RARB: variants seen among roughly 807,000 people sequenced by gnomAD.
RARB encodes the protein retinoic acid receptor beta.
RARB carries 17 observed loss-of-function variants against 51.9 expected under a neutral mutation model. The ratio of observed to expected loss-of-function variants is 0.33; its 90% confidence interval spans 0.22 to 0.49. The LOEUF (loss-of-function observed/expected upper bound fraction) is 0.49. Among genes scored for constraint, RARB ranks in the 20% least tolerant of loss-of-function variants. RARB has a pLI of 0.99. For synonymous variants in RARB, 215 were observed against 195.4 expected, an observed-to-expected ratio of 1.10 and a Z score of -0.84; for missense variants, 369 against 550.8, an observed-to-expected ratio of 0.67 and a Z score of 3.30.
intron 4 of RARB, among the ~76,000 whole-genome samples, chr3:25,137,901 G>A (rs1196811814): frequency 3.9e-5 from 6 of 152,220 alleles, no homozygotes; most frequent in African/African-American, 1.4e-4. Context: ...GAGTTTAAAA[G>A]AAGATTCTGC....
chr3:25,330,665 A>G (rs1704864318), intron 5 of RARB, among the ~76,000 whole-genome samples: 2 of 152,156 alleles, frequency 1.3e-5, no homozygotes, highest in Admixed American at 6.5e-5. Context: ...ACATAACAAT[A>G]CTAACCTTAA....
At chr3:25,149,248 A>G (rs938090756) in intron 4 of RARB, among the ~76,000 whole-genome samples, 9 of 152,202 alleles carry the variant, frequency 5.9e-5, no homozygotes. Context: ...GGTTTCTAAA[A>G]TTTGTGAAGA....
At chr3:25,289,334 C>T (rs1236882026) in intron 5 of RARB, among the ~76,000 whole-genome samples, 1 of 152,208 alleles carries the variant, frequency 6.6e-6, no homozygotes, top group Non-Finnish European at 1.5e-5. Flanking sequence ...CTCAGTGAAG[C>T]TGGCTTTATT....
At chr3:25,026,747 A>G (rs1045811787) in intron 2 of RARB, among the ~76,000 whole-genome samples, 9 of 152,294 alleles carry the variant, frequency 5.9e-5, no homozygotes, top group African/African-American at 1.9e-4. Context: ...AAAAAATACT[A>G]TTTGTAGCAT....
intron 2 of RARB, among the ~76,000 whole-genome samples, chr3:24,874,536 C>T (rs1419912227): frequency 6.6e-6 from 1 of 152,000 alleles, no homozygotes; most frequent in Non-Finnish European, 1.5e-5. Flanking sequence ...TGAAGTAACT[C>T]TCAACATGTT....
intron 1 of RARB, among the ~76,000 whole-genome samples, chr3:25,457,545 C>G (rs533032370): frequency 6.6e-6 from 1 of 152,190 alleles, no homozygotes; most frequent in East Asian, 1.9e-4. Context: ...TTATAAATGA[C>G]TCTTATCCAT....
intron 3 of RARB, among the ~76,000 whole-genome samples, chr3:25,524,650 T>TC: frequency 8.3e-6 from 1 of 120,880 alleles, no homozygotes; most frequent in Admixed American, 9.6e-5. Flanking sequence ...CCTCCCTCCC[T>TC]CCTTCCTTCC....
intron 3 of RARB, among the ~76,000 whole-genome samples, chr3:25,516,048 T>C: frequency 6.6e-6 from 1 of 152,212 alleles, no homozygotes; most frequent in African/African-American, 2.4e-5. Flanking sequence ...TCCTCTGGTT[T>C]GAGACCCTTT....
chr3:25,534,616 G>A (rs1280003089), intron 3 of RARB, among the ~76,000 whole-genome samples: 2 of 151,956 alleles, frequency 1.3e-5, no homozygotes, highest in South Asian at 2.1e-4. Flanking sequence ...GAACATACCT[G>A]TTTGGATACA....
chr3:25,406,173 A>G (rs972292727), intron 5 of RARB, among the ~76,000 whole-genome samples: 1 of 152,182 alleles, frequency 6.6e-6, no homozygotes, highest in African/African-American at 2.4e-5. Context: ...GGCCACATTC[A>G]GGTCATGGAT....
chr3:25,558,972 T>A (rs1415039916), intron 3 of RARB, among the ~76,000 whole-genome samples: 1 of 152,170 alleles, frequency 6.6e-6, no homozygotes, highest in African/African-American at 2.4e-5. Context: ...CACATTTTTC[T>A]TCAGTGACAC....
chr3:24,864,008 A>G (rs557995453), intron 2 of RARB, among the ~76,000 whole-genome samples: 22 of 152,158 alleles, frequency 1.4e-4, no homozygotes, highest in African/African-American at 4.6e-4. Flanking sequence ...TGACTTGTAT[A>G]TTTTCAATCT....
chr3:24,939,464 C>T (rs888250430), intron 2 of RARB, among the ~76,000 whole-genome samples: 21 of 152,250 alleles, frequency 1.4e-4, no homozygotes, highest in Middle Eastern at 3.4e-3. Flanking sequence ...AGGTACAGTA[C>T]TTATTCTCTT....
At chr3:25,367,197 G>A (rs1706147934) in intron 5 of RARB, among the ~76,000 whole-genome samples, 1 of 152,184 alleles carries the variant, frequency 6.6e-6, no homozygotes, top group African/African-American at 2.4e-5. Context: ...TTACTTGAAA[G>A]ATTGGGTTTT....
At chr3:24,986,403 A>G (rs908885217) in intron 2 of RARB, among the ~76,000 whole-genome samples, 1 of 152,236 alleles carries the variant, frequency 6.6e-6, no homozygotes, top group South Asian at 2.1e-4. Context: ...CTGGAAGATA[A>G]AAATTATTTT....
intron 3 of RARB, among the ~76,000 whole-genome samples, chr3:25,568,561 C>T (rs1700585680): frequency 6.6e-6 from 1 of 152,148 alleles, no homozygotes; most frequent in Non-Finnish European, 1.5e-5. Flanking sequence ...CCTCTCTCCT[C>T]CTGCTATTGT....
At chr3:25,175,690 G>A (rs1016700495) in intron 5 of RARB, among the ~76,000 whole-genome samples, 3 of 152,156 alleles carry the variant, frequency 2.0e-5, no homozygotes, top group African/African-American at 4.8e-5. Flanking sequence ...GCACTTTTGG[G>A]ATGTTGATTG....
At chr3:25,322,964 A>C (rs1648510423) in intron 5 of RARB, among the ~76,000 whole-genome samples, 2 of 152,132 alleles carry the variant, frequency 1.3e-5, no homozygotes, top group African/African-American at 2.4e-5. Context: ...TTTAGGCAGC[A>C]CTCAGCTGGT....
chr3:24,942,022 T>C (rs1695678650), intron 2 of RARB, among the ~76,000 whole-genome samples: 1 of 152,218 alleles, frequency 6.6e-6, no homozygotes, highest in Non-Finnish European at 1.5e-5. Context: ...CAGAAATGAT[T>C]TGGCCATATT....
Sources: gnomAD v4.1 joint callset for allele counts (sites outside exome capture counted in the v4.1 genomes callset) on GRCh38, gnomAD v4.1.1 for gene constraint, MANE v1.5 for transcripts, NCBI Gene and HGNC (gene_info 2026-07-23, HGNC 2026-07-21) for gene names.